Variants in WDR64 observed in about 807,000 individuals in gnomAD.
WDR64 encodes WD repeat domain 64.
WDR64 carries 112 observed loss-of-function variants against 139.3 expected under a neutral mutation model. The observed-to-expected ratio is 0.80, with a 90% confidence interval of 0.69 to 0.94. The LOEUF (loss-of-function observed/expected upper bound fraction) is 0.94. Among genes scored for constraint, WDR64 ranks in the 40% least tolerant of loss-of-function variants. WDR64 has a pLI of 0.00. For missense variants in WDR64, 1,206 were observed against 1,293.1 expected, an observed-to-expected ratio of 0.93 and a Z score of 1.03; for synonymous variants, 444 against 437.7, an observed-to-expected ratio of 1.01 and a Z score of -0.18.
intron 27 of WDR64, among the ~76,000 whole-genome samples, chr1:241,800,517 C>A (rs1295405632): frequency 6.6e-6 from 1 of 152,108 alleles, no homozygotes; most frequent in Non-Finnish European, 1.5e-5. Flanking sequence ...CGTGGTGACA[C>A]ATGCCTGTGG....
intron 14 of WDR64, among the ~76,000 whole-genome samples, chr1:241,756,377 T>C (rs1345688847): frequency 2.0e-5 from 3 of 152,166 alleles, no homozygotes; most frequent in Non-Finnish European, 4.4e-5. Flanking sequence ...ATTGCTGGTG[T>C]ATAGGAATGC....
chr1:241,763,101 C>T (rs1046878866), intron 15 of WDR64, among the ~76,000 whole-genome samples: 3 of 152,010 alleles, frequency 2.0e-5, no homozygotes, highest in African/African-American at 7.3e-5. Flanking sequence ...ATTGGAAACA[C>T]TAGGTTCAAT....
intron 16 of WDR64, among the ~76,000 whole-genome samples, chr1:241,767,877 C>T (rs1658251361): frequency 1.3e-5 from 2 of 152,156 alleles, no homozygotes; most frequent in Admixed American, 1.3e-4. Context: ...TTCCTGTCAT[C>T]CTTCTGTTCC....
chr1:241,695,129 C>T (rs912726055), intron 8 of WDR64, among the ~76,000 whole-genome samples: 1 of 152,078 alleles, frequency 6.6e-6, no homozygotes, highest in Non-Finnish European at 1.5e-5. Flanking sequence ...AACAAACAAA[C>T]AATCACTGAC....
chr1:241,696,113 CAAAAAAAAAAAAAAAA>C, intron 8 of WDR64, among the ~76,000 whole-genome samples: 1 of 22,326 alleles, frequency 4.5e-5, no homozygotes, highest in Admixed American at 7.7e-4. Flanking sequence ...GACCCAGTAT[CAAAAAAAAAAAAAAAA>C]AAAAAAAAAA....
chr1:241,754,460 C>T (rs1670102317), intron 14 of WDR64, among the ~76,000 whole-genome samples: 2 of 151,758 alleles, frequency 1.3e-5, no homozygotes, highest in South Asian at 2.1e-4. Context: ...GCTGGGACTA[C>T]AGGCACATGC....
chr1:241,795,186 A>T (rs1403316449), intron 25 of WDR64, 21 bp from the exon 26 acceptor site: 10 of 1,611,040 alleles, frequency 6.2e-6, no homozygotes, highest in Non-Finnish European at 8.5e-6. Flanking sequence ...TTCATTAAAC[A>T]TTCATCCCTT....
chr1:241,758,053 C>A (rs1670274166), intron 15 of WDR64, among the ~76,000 whole-genome samples: 1 of 152,006 alleles, frequency 6.6e-6, no homozygotes, highest in South Asian at 2.1e-4. Context: ...TTGGAAAAAC[C>A]TGTTAAATAT....
At chr1:241,664,705 T>C (rs1665964617) in intron 2 of WDR64, among the ~76,000 whole-genome samples, 1 of 152,230 alleles carries the variant, frequency 6.6e-6, no homozygotes, top group Admixed American at 6.5e-5. Context: ...TCTTCTTTTA[T>C]TCAAGCACGT....
chr1:241,754,701 C>T (rs1272441484), intron 14 of WDR64, among the ~76,000 whole-genome samples: 4 of 152,094 alleles, frequency 2.6e-5, no homozygotes, highest in African/African-American at 9.7e-5. Flanking sequence ...GCCATTTCTC[C>T]TAACACCATT....
At chr1:241,775,424 C>A (rs769662478) in intron 21 of WDR64, among the ~76,000 whole-genome samples, 2 of 152,196 alleles carry the variant, frequency 1.3e-5, no homozygotes, top group African/African-American at 2.4e-5. Flanking sequence ...TCACTTAGGG[C>A]AAGGCATTGC....
intron 8 of WDR64, among the ~76,000 whole-genome samples, chr1:241,708,704 G>GTTTTTTTTT (rs1331215028): frequency 4.7e-5 from 2 of 42,710 alleles, no homozygotes; most frequent in Non-Finnish European, 5.0e-5. Context: ...TTTTTTTTTT[G>GTTTTTTTTT]TTTTTTTGTT....
At chr1:241,782,656 G>A (rs765390608) in intron 22 of WDR64, among the ~76,000 whole-genome samples, 9 of 152,168 alleles carry the variant, frequency 5.9e-5, no homozygotes, top group Admixed American at 1.3e-4. Flanking sequence ...ACACCCTGAA[G>A]AAACATAAAC....
chr1:241,683,725 T>G, intron 7 of WDR64, 24 bp downstream of exon 7: 1 of 1,444,612 alleles, frequency 6.9e-7, no homozygotes, highest in Non-Finnish European at 9.2e-7. Context: ...ACAGTTAATT[T>G]AATTCTTTTA....
chr1:241,780,704 C>T (rs1658813447), intron 22 of WDR64, among the ~76,000 whole-genome samples: 1 of 152,040 alleles, frequency 6.6e-6, no homozygotes, highest in African/African-American at 2.4e-5. Flanking sequence ...AATATTGTTT[C>T]ATTTGATTAG....
intron 8 of WDR64, among the ~76,000 whole-genome samples, chr1:241,701,760 G>A (rs1046200584): frequency 1.3e-5 from 2 of 152,172 alleles, no homozygotes; most frequent in African/African-American, 4.8e-5. Context: ...CTCAAGTGAG[G>A]TAGTGTAATC....
intron 15 of WDR64, among the ~76,000 whole-genome samples, chr1:241,758,971 G>A (rs540370923): frequency 2.2e-4 from 33 of 152,222 alleles, no homozygotes; most frequent in African/African-American, 7.2e-4. Flanking sequence ...CAATTCAAAT[G>A]TAAGGTTATA....
At chr1:241,732,829 C>CCAAAAAAA (rs1201049905) in intron 10 of WDR64, among the ~76,000 whole-genome samples, 3 of 150,542 alleles carry the variant, frequency 2.0e-5, no homozygotes, top group Non-Finnish European at 4.4e-5. Flanking sequence ...AAAAAAAAAA[C>CCAAAAAAA]CAAAAAAACA....
At chr1:241,719,796 T>C (rs183358216) in intron 9 of WDR64, among the ~76,000 whole-genome samples, 64 of 152,272 alleles carry the variant, frequency 4.2e-4, no homozygotes, top group African/African-American at 1.5e-3. Flanking sequence ...ATTTATTTTC[T>C]TTTTTTCCTT....
Sources: gnomAD v4.1 joint callset for allele counts (sites outside exome capture counted in the v4.1 genomes callset) on GRCh38, gnomAD v4.1.1 for gene constraint, MANE v1.5 for transcripts, NCBI Gene and HGNC (gene_info 2026-07-23, HGNC 2026-07-21) for gene names.